ESRP1: variants seen among roughly 807,000 people sequenced by gnomAD.
ESRP1 encodes the protein RNA-binding motif protein 35A.
In ESRP1, 33 loss-of-function variants were observed where a neutral mutation model predicts 81.7. The observed-to-expected ratio is 0.40, with a 90% CI of 0.31 to 0.54. The LOEUF is 0.54. Ranked by LOEUF, ESRP1 falls within the 20% of genes least tolerant of loss-of-function variation. ESRP1 has a pLI of 0.41. For missense variants in ESRP1, 672 were observed against 833.1 expected (o/e 0.81, Z 2.38); for synonymous variants, 320 against 303.3 (o/e 1.06, Z -0.57).
At position 94,668,115 on chromosome 8, in the gene ESRP1, T is replaced by G; in HGVS notation, c.1098T>G (p.Asp366Glu). The change falls in exon 10 of 16, where the codon GAT becomes GAG. Residue 366 changes from aspartate (D) to glutamate (E), a missense_variant. Physicochemically the swap from Asp to Glu is conservative, Grantham distance 45 (BLOSUM62 2). Coordinates refer to ENST00000433389, the MANE Select transcript of ESRP1 (RefSeq NM_017697.4). Reference protein sequence around the residue: ...KEGILFVTYPDGRPTGDAFVL... With the variant: ...KEGILFVTYPEGRPTGDAFVL... ...GCATCCTCTTTGTCACCTACCCAGA[T>G]GGTAGGCCAACAGGGGACGCTTTTG... 1 of 1,614,016 alleles carries G rather than the reference T, an allele frequency of 6.2e-7. No individual in the cohort carries two copies. The highest frequency in any genetic ancestry group is 8.5e-7 in the Non-Finnish European group (1 of 1,179,888).
In ESRP1 at chr8:94,668,186, A is replaced by G. The variant is rs1350282813; in HGVS notation, c.1169A>G (p.His390Arg). Residue 390 changes from histidine (H) to arginine (R), a missense_variant, in exon 10 of 16, where the codon CAT becomes CGT. His to Arg is a conservative substitution (Grantham distance 29). Coordinates refer to ENST00000433389, the MANE Select transcript of ESRP1 (RefSeq NM_017697.4). ...TATGCACAGAATGCGTTGAGGAAGC[A>G]TAAAGACTTGTTGGGTAAAAGATAC... ...EEYAQNALRK[H>R]KDLLGKRYIE... is the part of the protein sequence containing the mutation. 1 of 1,613,826 alleles carries G rather than the reference A, an allele frequency of 6.2e-7. No homozygotes were observed. The highest frequency in any genetic ancestry group is 8.5e-7 in the Non-Finnish European group (1 of 1,179,772).
intron 5 of ESRP1, 62 bp from the exon 6 acceptor site, chr8:94,662,439 T>A: frequency 6.4e-7 from 1 of 1,552,384 alleles, no homozygotes; most frequent in Non-Finnish European, 8.8e-7. Context: ...ATACTCAAAT[T>A]TCCTCCTACA....
intron 11 of ESRP1, among the ~76,000 whole-genome samples, chr8:94,673,934 T>G (rs1819461028): frequency 6.6e-6 from 1 of 152,206 alleles, no homozygotes; most frequent in African/African-American, 2.4e-5. Flanking sequence ...TGTTACTAGC[T>G]TTTCTCAATT....
chr8:94,679,672 A>T (rs1371400093), intron 13 of ESRP1, among the ~76,000 whole-genome samples: 1 of 151,974 alleles, frequency 6.6e-6, no homozygotes, highest in Non-Finnish European at 1.5e-5. Context: ...TTTTTCTACC[A>T]GTAGTTTTAA....
intron 4 of ESRP1, among the ~76,000 whole-genome samples, chr8:94,647,699 G>C (rs1817918064): frequency 6.6e-6 from 1 of 152,164 alleles, no homozygotes; most frequent in Non-Finnish European, 1.5e-5. Context: ...GGACTTTGGG[G>C]GAGGTGGAGG....
intron 2 of ESRP1, among the ~76,000 whole-genome samples, 189 bp from the exon 3 acceptor site, chr8:94,643,114 G>A (rs1470992605): frequency 6.6e-6 from 1 of 152,220 alleles, no homozygotes; most frequent in Non-Finnish European, 1.5e-5. Context: ...GGATTGATTG[G>A]AAAGCTTCCC....
At chr8:94,703,694 C>T (rs768994999) in intron 15 of ESRP1, among the ~76,000 whole-genome samples, 3 of 152,156 alleles carry the variant, frequency 2.0e-5, no homozygotes, top group Non-Finnish European at 2.9e-5. Flanking sequence ...CAAGGGTTTG[C>T]TCATCCAAAC....
intron 4 of ESRP1, among the ~76,000 whole-genome samples, chr8:94,653,098 G>A (rs561330477): frequency 5.3e-5 from 8 of 151,838 alleles, no homozygotes; most frequent in African/African-American, 1.5e-4. Context: ...GCTGTTTGAC[G>A]TGATTATGAT....
chr8:94,705,907 T>A lies in ESRP1; in HGVS notation c.*36-18T>A. The A allele has an allele frequency of 2.6e-6, 1 of 387,742 alleles. No individual in the cohort carries two copies. The highest frequency in any genetic ancestry group is 3.4e-6 in the Non-Finnish European group (1 of 290,712). The allele number at this position is 387,742 out of a possible 1,614,324, so 24.0% of individuals were successfully genotyped here. On this transcript the variant is annotated intron_variant, in intron 15 of 15. Coordinates refer to ENST00000433389, the MANE Select transcript of ESRP1 (RefSeq NM_017697.4). ...TATAACATTTCCTTTTATTCACTTTTTTTTTTTTTTTTTTCAGTGTTTGAA... is the reference window on the plus strand; with the variant it reads ...TATAACATTTCCTTTTATTCACTTTATTTTTTTTTTTTTTCAGTGTTTGAA...
At position 94,707,215 on chromosome 8, in the gene ESRP1, C is replaced by T. The variant is rs1391031280; in HGVS notation, c.*1326C>T. ...TTAACACCTTAAAGGGAGAAGCAAA[C>T]ATTTCCTTCTTCAGCTGACTGGCAA... On this transcript the variant is annotated 3_prime_UTR_variant, in exon 16 of 16. Coordinates refer to ENST00000433389, the MANE Select transcript of ESRP1 (RefSeq NM_017697.4). 6.6e-6 allele frequency: 1 copy of T among 151,926 alleles called. No individual in the cohort carries two copies. Among genetic ancestry groups the T allele is most frequent in the Non-Finnish European group, 1.5e-5 (1 of 68,012 alleles). 9.4% of individuals were successfully genotyped at this position (151,926 alleles called of 1,614,324 possible).
In ESRP1 at chr8:94,706,645, AATTTCTAGTTTGAACTGTAATTGAAT is replaced by A; in HGVS notation, c.*760_*785del. On this transcript the variant is annotated 3_prime_UTR_variant, in exon 16 of 16. Transcript: ENST00000433389. ...AATGAAGCAGCTACATGTAGTTAGTAATTTCTAGTTTGAACTGTAATTGAATATTGTGGCTTCATATGTATTATTTT... is the reference window on the plus strand; with the variant it reads ...AATGAAGCAGCTACATGTAGTTAGTAATTGTGGCTTCATATGTATTATTTT... The A allele has an allele frequency of 6.5e-6, 1 of 152,776 alleles. No individual in the cohort carries two copies. Among genetic ancestry groups the A allele is most frequent in the East Asian group, 1.9e-4 (1 of 5,190 alleles). 9.5% of individuals were successfully genotyped at this position (152,776 alleles called of 1,614,324 possible).
chr8:94,693,750 GGCTATTTGGT>G, intron 14 of ESRP1, among the ~76,000 whole-genome samples: 1 of 152,174 alleles, frequency 6.6e-6, no homozygotes, highest in Non-Finnish European at 1.5e-5. Context: ...TGTCTGTAGA[GGCTATTTGGT>G]GATTAGAATG....
intron 15 of ESRP1, among the ~76,000 whole-genome samples, chr8:94,697,579 C>T (rs957808814): frequency 4.6e-5 from 7 of 152,144 alleles, no homozygotes; most frequent in Non-Finnish European, 8.8e-5. Flanking sequence ...CATGGACATA[C>T]GACATTTTAT....
At chr8:94,693,536 C>A (rs1052878916) in intron 14 of ESRP1, among the ~76,000 whole-genome samples, 1 of 152,198 alleles carries the variant, frequency 6.6e-6, no homozygotes, top group African/African-American at 2.4e-5. Flanking sequence ...ACATAATTAC[C>A]TAAGTCTTAA....
chr8:94,669,822 A>G (rs1819221282), intron 10 of ESRP1, among the ~76,000 whole-genome samples: 1 of 150,456 alleles, frequency 6.6e-6, no homozygotes, highest in Admixed American at 6.7e-5. Context: ...GTGAACCGAG[A>G]TCACGCTGCA....
chr8:94,685,226 T>C (rs1054845271), intron 13 of ESRP1, among the ~76,000 whole-genome samples: 1 of 152,166 alleles, frequency 6.6e-6, no homozygotes, highest in Non-Finnish European at 1.5e-5. Flanking sequence ...ATTATGAGTA[T>C]GTTGATGTGG....
At chr8:94,681,651 A>T (rs1586232291) in intron 13 of ESRP1, among the ~76,000 whole-genome samples, 1 of 151,646 alleles carries the variant, frequency 6.6e-6, no homozygotes, top group African/African-American at 2.4e-5. Flanking sequence ...AATAAATAAT[A>T]AAAATGGCTG....
intron 12 of ESRP1, among the ~76,000 whole-genome samples, chr8:94,676,360 A>T (rs1819586166): frequency 6.6e-6 from 1 of 151,882 alleles, no homozygotes; most frequent in Admixed American, 6.6e-5. Context: ...AAAAAAAAAA[A>T]AAAAAGCTAT....
At chr8:94,652,446 G>C (rs1488319374) in intron 4 of ESRP1, among the ~76,000 whole-genome samples, 1 of 151,126 alleles carries the variant, frequency 6.6e-6, no homozygotes, top group Non-Finnish European at 1.5e-5. Context: ...AGGATGGTGA[G>C]GGTGTGAGAT....
Sources: gnomAD v4.1 joint callset for allele counts (sites outside exome capture counted in the v4.1 genomes callset) on GRCh38, gnomAD v4.1.1 for gene constraint, MANE v1.5 for transcripts, NCBI Gene and HGNC (gene_info 2026-07-23, HGNC 2026-07-21) for gene names.